The following RARB variants were observed in gnomAD, a reference collection of about 807,000 sequenced individuals.
The protein encoded by RARB is HBV-activated protein.
Under a neutral mutation model 51.9 loss-of-function variants are expected in RARB, and 17 were observed. The observed-to-expected ratio is 0.33, with a 90% CI of 0.22 to 0.49. The LOEUF is 0.49. Ranked by LOEUF, RARB falls within the 20% of genes least tolerant of loss-of-function variation. The pLI, the probability that RARB is intolerant of heterozygous loss-of-function variation, is 0.99. For synonymous variants in RARB, 215 were observed against 195.4 expected (o/e 1.10, Z -0.84); for missense variants, 369 against 550.8 (o/e 0.67, Z 3.30).
chr3:24,896,447 G>T (rs1703481077), intron 2 of RARB, among the ~76,000 whole-genome samples: 1 of 152,042 alleles, frequency 6.6e-6, no homozygotes, highest in African/African-American at 2.4e-5. Flanking sequence ...TTTTAGTAGA[G>T]ACAGGGTTTC....
chr3:24,983,022 C>A (rs1383245407), intron 2 of RARB, among the ~76,000 whole-genome samples: 1 of 152,136 alleles, frequency 6.6e-6, no homozygotes, highest in African/African-American at 2.4e-5. Flanking sequence ...TATATATTGA[C>A]TTTTCCAAGA....
At chr3:25,461,011 A>G (rs548475563) in intron 1 of RARB, among the ~76,000 whole-genome samples, 182 bp from the exon 2 acceptor site, 1 of 152,212 alleles carries the variant, frequency 6.6e-6, no homozygotes, top group Non-Finnish European at 1.5e-5. Context: ...TAAACCGTAG[A>G]GTACCACATC....
At chr3:24,968,773 T>C (rs1008365078) in intron 2 of RARB, among the ~76,000 whole-genome samples, 3 of 152,130 alleles carry the variant, frequency 2.0e-5, no homozygotes, top group Non-Finnish European at 4.4e-5. Context: ...TATTGAACCA[T>C]TGGCCGAAGC....
chr3:24,840,520 A>G (rs968714088), intron 1 of RARB, among the ~76,000 whole-genome samples: 1 of 152,170 alleles, frequency 6.6e-6, no homozygotes, highest in Non-Finnish European at 1.5e-5. Flanking sequence ...TATTGCTTTC[A>G]CAACATTCCA....
intron 3 of RARB, among the ~76,000 whole-genome samples, chr3:25,526,138 G>A (rs1698636266): frequency 6.6e-6 from 1 of 152,226 alleles, no homozygotes; most frequent in African/African-American, 2.4e-5. Context: ...CTGAGCACAA[G>A]TATGGAGAGA....
At chr3:25,548,120 G>A (rs998322043) in intron 3 of RARB, among the ~76,000 whole-genome samples, 1 of 62,518 alleles carries the variant, frequency 1.6e-5, no homozygotes, top group East Asian at 4.3e-4. Flanking sequence ...TTTTTTTTTT[G>A]AAGTGGACTG....
chr3:25,447,869 A>T (rs1575412948), intron 1 of RARB, among the ~76,000 whole-genome samples: 1 of 152,080 alleles, frequency 6.6e-6, no homozygotes, highest in East Asian at 1.9e-4. Context: ...GGGAAAATGG[A>T]AGTGAAGGTC....
intron 1 of RARB, among the ~76,000 whole-genome samples, chr3:25,430,203 G>A (rs1378640694): frequency 6.6e-6 from 1 of 152,144 alleles, no homozygotes; most frequent in Non-Finnish European, 1.5e-5. Flanking sequence ...AAAGAATATC[G>A]TTTTCAGAAG....
At chr3:25,302,173 C>G (rs1204145445) in intron 5 of RARB, among the ~76,000 whole-genome samples, 1 of 152,172 alleles carries the variant, frequency 6.6e-6, no homozygotes, top group Non-Finnish European at 1.5e-5. Context: ...TCCTACATTG[C>G]TAGTGAAATT....
chr3:24,856,391 A>G (rs957543735), intron 1 of RARB, among the ~76,000 whole-genome samples: 1 of 152,210 alleles, frequency 6.6e-6, no homozygotes, highest in Non-Finnish European at 1.5e-5. Context: ...ACTGCATGAT[A>G]AAAGTAACTC....
intron 2 of RARB, among the ~76,000 whole-genome samples, chr3:24,910,652 T>C (rs1694972798): frequency 6.6e-6 from 1 of 152,208 alleles, no homozygotes; most frequent in Admixed American, 6.5e-5. Context: ...TTCTCAATAT[T>C]GAATTTGGAG....
intron 5 of RARB, among the ~76,000 whole-genome samples, chr3:25,331,740 G>T (rs1018390275): frequency 6.6e-6 from 1 of 152,028 alleles, no homozygotes; most frequent in Non-Finnish European, 1.5e-5. Flanking sequence ...CCAGGAGCTG[G>T]TTTTTTGGAA....
intron 3 of RARB, among the ~76,000 whole-genome samples, chr3:25,124,285 G>A (rs960929719): frequency 3.9e-5 from 6 of 152,202 alleles, no homozygotes; most frequent in Non-Finnish European, 7.4e-5. Context: ...GAGACAGGAG[G>A]ATCACTTGAA....
intron 2 of RARB, among the ~76,000 whole-genome samples, chr3:24,968,049 T>C (rs1696315874): frequency 6.6e-6 from 1 of 152,162 alleles, no homozygotes; most frequent in Admixed American, 6.5e-5. Flanking sequence ...CTTTTTTGTT[T>C]GGTTTGGTTG....
intron 2 of RARB, among the ~76,000 whole-genome samples, chr3:25,470,888 T>C (rs1362105231): frequency 1.3e-5 from 2 of 152,178 alleles, no homozygotes; most frequent in Non-Finnish European, 2.9e-5. Context: ...TGGGCAGGTC[T>C]CTCTTGTCAC....
intron 3 of RARB, among the ~76,000 whole-genome samples, chr3:25,085,930 G>T (rs2125314836): frequency 6.6e-6 from 1 of 152,286 alleles, no homozygotes; most frequent in Non-Finnish European, 1.5e-5. Flanking sequence ...CTTGCTTCTT[G>T]TTTATGTAAC....
intron 4 of RARB, among the ~76,000 whole-genome samples, chr3:25,171,294 G>A (rs1212091470): frequency 3.3e-5 from 5 of 151,808 alleles, no homozygotes; most frequent in Non-Finnish European, 7.4e-5. Context: ...AAAGAGCACT[G>A]CTAATCTTTT....
intron 5 of RARB, among the ~76,000 whole-genome samples, chr3:25,268,251 C>T (rs1703171397): frequency 6.6e-6 from 1 of 151,938 alleles, no homozygotes; most frequent in African/African-American, 2.4e-5. Flanking sequence ...CCAGGTAGAT[C>T]CACCATTGAA....
chr3:24,856,098 A>G, intron 1 of RARB, among the ~76,000 whole-genome samples: 1 of 152,088 alleles, frequency 6.6e-6, no homozygotes. Context: ...TTGAATATAT[A>G]CAATATTTTG....
Sources: allele counts gnomAD v4.1 joint callset (sites outside exome capture counted in the v4.1 genomes callset), GRCh38; gene constraint gnomAD v4.1.1; transcripts MANE v1.5; gene names NCBI Gene and HGNC (gene_info 2026-07-23, HGNC 2026-07-21).